Variants in RARB observed in about 807,000 individuals in gnomAD.
The protein encoded by RARB is retinoic acid receptor beta.
In RARB, 17 loss-of-function variants were observed where a neutral mutation model predicts 51.9. The ratio of observed to expected loss-of-function variants is 0.33; its 90% CI spans 0.22 to 0.49. RARB has a LOEUF of 0.49. Ranked by LOEUF, RARB falls within the 20% of genes least tolerant of loss-of-function variation. The pLI is 0.99. For missense variants in RARB, 369 were observed against 550.8 expected (o/e 0.67, Z 3.30); for synonymous variants, 215 against 195.4 (o/e 1.10, Z -0.84).
chr3:25,008,092 A>T (rs4325893), intron 2 of RARB, among the ~76,000 whole-genome samples: 127,178 of 152,158 alleles, frequency 0.84, 53,609 homozygotes, highest in East Asian at 1. Context: ...CAGAGATATT[A>T]GTATTTGTAG....
intron 2 of RARB, among the ~76,000 whole-genome samples, chr3:24,983,898 A>G (rs1305812533): frequency 6.6e-6 from 1 of 152,224 alleles, no homozygotes; most frequent in Non-Finnish European, 1.5e-5. Flanking sequence ...AAATACAATT[A>G]CAAAAAAGAC....
At chr3:25,138,614 G>A (rs1319002053) in intron 4 of RARB, among the ~76,000 whole-genome samples, 1 of 152,058 alleles carries the variant, frequency 6.6e-6, no homozygotes, top group Non-Finnish European at 1.5e-5. Context: ...GAAAATCAAG[G>A]TGGAAGTTCA....
At chr3:25,261,341 A>T (rs575657111) in intron 5 of RARB, among the ~76,000 whole-genome samples, 1 of 151,984 alleles carries the variant, frequency 6.6e-6, no homozygotes, top group African/African-American at 2.4e-5. Context: ...GGCTCCTAGA[A>T]CACCATACTT....
intron 2 of RARB, among the ~76,000 whole-genome samples, chr3:24,942,524 T>C (rs772664272): frequency 2.6e-5 from 4 of 152,094 alleles, no homozygotes; most frequent in East Asian, 3.8e-4. Context: ...ATCAAAGATA[T>C]ATAGAGAATT....
chr3:25,178,263 T>C (rs1022854066), intron 5 of RARB, among the ~76,000 whole-genome samples: 3 of 152,212 alleles, frequency 2.0e-5, no homozygotes, highest in Non-Finnish European at 2.9e-5. Context: ...TTTTATAGCA[T>C]AGAGTTTCTG....
intron 2 of RARB, among the ~76,000 whole-genome samples, chr3:24,929,019 T>C (rs985349073): frequency 2.0e-5 from 3 of 152,070 alleles, no homozygotes; most frequent in African/African-American, 7.2e-5. Context: ...GTTTATTGCA[T>C]ACATTGAAAT....
chr3:25,096,953 G>T (rs1699303093), intron 3 of RARB, among the ~76,000 whole-genome samples: 1 of 152,104 alleles, frequency 6.6e-6, no homozygotes. Flanking sequence ...CAGCCTGTGG[G>T]GTTTTGCATA....
At chr3:25,465,807 A>G (rs1695401787) in intron 2 of RARB, among the ~76,000 whole-genome samples, 2 of 151,778 alleles carry the variant, frequency 1.3e-5, no homozygotes, top group Non-Finnish European at 2.9e-5. Context: ...AATGTTTAAC[A>G]GTATAAAATA....
chr3:25,352,954 C>T (rs894695144), intron 5 of RARB, among the ~76,000 whole-genome samples: 2 of 152,174 alleles, frequency 1.3e-5, no homozygotes, highest in Non-Finnish European at 2.9e-5. Flanking sequence ...ATGATCATGA[C>T]TATCCTGCCT....
chr3:24,952,667 C>G (rs1327688441), intron 2 of RARB, among the ~76,000 whole-genome samples: 1 of 152,150 alleles, frequency 6.6e-6, no homozygotes, highest in Non-Finnish European at 1.5e-5. Context: ...TTAATTGCCA[C>G]TGAAGACTGC....
At chr3:25,439,111 C>T (rs1213607380) in intron 1 of RARB, among the ~76,000 whole-genome samples, 1 of 152,106 alleles carries the variant, frequency 6.6e-6, no homozygotes, top group Non-Finnish European at 1.5e-5. Context: ...TTACTGGTAA[C>T]CCTTATCTAA....
intron 1 of RARB, among the ~76,000 whole-genome samples, chr3:24,831,684 GA>G (rs939283593): frequency 2.2e-4 from 32 of 144,314 alleles, no homozygotes; most frequent in African/African-American, 4.0e-4. Flanking sequence ...AAGCATGAAG[GA>G]AAAAAAAAAA....
intron 1 of RARB, among the ~76,000 whole-genome samples, chr3:24,850,345 G>A (rs1482728064): frequency 6.6e-6 from 1 of 152,190 alleles, no homozygotes; most frequent in East Asian, 1.9e-4. Flanking sequence ...CCTACGGTCT[G>A]CAAAGCCTGA....
intron 2 of RARB, among the ~76,000 whole-genome samples, chr3:24,926,452 C>T (rs778558151): frequency 2.6e-5 from 4 of 152,030 alleles, no homozygotes; most frequent in Non-Finnish European, 5.9e-5. Context: ...GATTGTTGAC[C>T]CGCAAATACA....
At chr3:25,145,558 A>G (rs56786430) in intron 4 of RARB, among the ~76,000 whole-genome samples, 5,525 of 152,280 alleles carry the variant, frequency 0.036, 322 homozygotes, top group African/African-American at 0.12. Flanking sequence ...AGCTTGCTAA[A>G]AAAATGAATC....
At chr3:25,445,005 G>T (rs1439154289) in intron 1 of RARB, among the ~76,000 whole-genome samples, 2 of 151,848 alleles carry the variant, frequency 1.3e-5, no homozygotes, top group Non-Finnish European at 2.9e-5. Context: ...GCTGGAGTGT[G>T]GTGGTACGAT....
intron 4 of RARB, among the ~76,000 whole-genome samples, chr3:25,575,874 C>T (rs1297317894): frequency 6.6e-6 from 1 of 152,162 alleles, no homozygotes; most frequent in African/African-American, 2.4e-5. Flanking sequence ...CTAGTGAGTG[C>T]AGAACTGGAG....
intron 5 of RARB, among the ~76,000 whole-genome samples, chr3:25,236,699 A>G (rs543588022): frequency 2.0e-5 from 3 of 152,076 alleles, no homozygotes; most frequent in Non-Finnish European, 4.4e-5. Flanking sequence ...TTTTACATTA[A>G]TGTATGTCTG....
At chr3:25,044,045 T>G (rs905894996) in intron 2 of RARB, among the ~76,000 whole-genome samples, 1 of 151,858 alleles carries the variant, frequency 6.6e-6, no homozygotes, top group African/African-American at 2.4e-5. Flanking sequence ...TTAATTAGAG[T>G]TTCAGTCCAC....
Sources: allele counts gnomAD v4.1 joint callset (sites outside exome capture counted in the v4.1 genomes callset), GRCh38; gene constraint gnomAD v4.1.1; transcripts MANE v1.5; gene names NCBI Gene and HGNC (gene_info 2026-07-23, HGNC 2026-07-21).